SMAD4: variants seen among roughly 807,000 people sequenced by gnomAD.
SMAD4 encodes MAD homolog 4.
Under a neutral mutation model 63.2 loss-of-function variants are expected in SMAD4, and 7 were observed. The observed-to-expected ratio is 0.11, with a 90% CI of 0.06 to 0.21. The LOEUF is 0.21. SMAD4 is among the 10% of genes least tolerant of loss of function. The pLI, the probability that SMAD4 is intolerant of heterozygous loss-of-function variation, is 1.00. For synonymous variants in SMAD4, 215 were observed against 235.4 expected, an observed-to-expected ratio of 0.91 and a Z score of 0.79; for missense variants, 312 against 693.8, an observed-to-expected ratio of 0.45 and a Z score of 6.18.
Position 51,080,434 on chromosome 18 carries a change from T to C in SMAD4, c.*1967T>C, listed in dbSNP as rs1361929420. On this transcript the variant is annotated 3_prime_UTR_variant, in exon 12 of 12. Coordinates refer to ENST00000342988, the MANE Select transcript of SMAD4 (RefSeq NM_005359.6). ...ACATCTTCTCTAGAAATTGCTAACTTTAGGTCCATTTTACTGTGAATGAGG... is the reference window on the plus strand; with the variant it reads ...ACATCTTCTCTAGAAATTGCTAACTCTAGGTCCATTTTACTGTGAATGAGG... The C allele has an allele frequency of 4.3e-6, 1 of 230,090 alleles. No homozygotes were observed. The highest frequency in any genetic ancestry group is 8.6e-6 in the Non-Finnish European group (1 of 116,296). 14.3% of individuals were successfully genotyped at this position (230,090 alleles called of 1,614,324 possible). A position where few individuals can be genotyped will look rare whatever the true frequency, so the allele number is the denominator to read the frequency against.
In SMAD4 at chr18:51,084,012, GCACACACA is replaced by G. The variant is rs56017493; in HGVS notation, c.*5570_*5577del. On this transcript the variant is annotated 3_prime_UTR_variant, in exon 12 of 12. Transcript: ENST00000342988. ...TTAACGCGCGTGCGCACGCGCGCGCGCACACACACACACACACACACACACACACACAG... is the reference window on the plus strand; with the variant it reads ...TTAACGCGCGTGCGCACGCGCGCGCGCACACACACACACACACACACACAG... 2,440 of 162,838 alleles carry G rather than the reference GCACACACA, an allele frequency of 0.015. 68 individuals carry two copies. Among genetic ancestry groups the G allele is most frequent in the African/African-American group, 0.061 (2,153 of 35,180 alleles). The allele number at this position is 162,838 out of a possible 1,614,324, so 10.1% of individuals were successfully genotyped here.
chr18:51,051,654 A>G (rs1909716899), intron 4 of SMAD4, among the ~76,000 whole-genome samples: 1 of 152,152 alleles, frequency 6.6e-6, no homozygotes, highest in Admixed American at 6.5e-5. Context: ...CTAGTGGAGG[A>G]GAGAAAAAGT....
At chr18:51,060,843 A>T (rs568540937) in intron 8 of SMAD4, among the ~76,000 whole-genome samples, 23 of 152,114 alleles carry the variant, frequency 1.5e-4, no homozygotes, top group Non-Finnish European at 3.1e-4. Context: ...CATGTTGCCC[A>T]GGCTGGTCTC....
At chr18:51,072,740 A>G (rs1910351495) in intron 10 of SMAD4, among the ~76,000 whole-genome samples, 1 of 152,248 alleles carries the variant, frequency 6.6e-6, no homozygotes, top group Admixed American at 6.5e-5. Context: ...ACATGGTTAA[A>G]TAAATTAAAG....
intron 10 of SMAD4, among the ~76,000 whole-genome samples, chr18:51,069,571 C>T (rs1910261164): frequency 1.3e-5 from 2 of 152,178 alleles, no homozygotes; most frequent in South Asian, 4.1e-4. Context: ...TTGCCTTACC[C>T]TGGCATCTGG....
chr18:51,030,763 G>C (rs951416450), intron 1 of SMAD4, 140 bp downstream of exon 1: 5 of 151,906 alleles, frequency 3.3e-5, no homozygotes, highest in African/African-American at 1.2e-4. Context: ...CTGGGAGGGC[G>C]ACCGCGGCGG....
At chr18:51,033,871 C>T (rs1909122615) in intron 1 of SMAD4, among the ~76,000 whole-genome samples, 1 of 152,160 alleles carries the variant, frequency 6.6e-6, no homozygotes, top group African/African-American at 2.4e-5. Context: ...TAGGGTAGTG[C>T]TTACATATGT....
intron 1 of SMAD4, among the ~76,000 whole-genome samples, chr18:51,042,300 C>CG: frequency 1.5e-5 from 1 of 66,168 alleles, no homozygotes; most frequent in African/African-American, 4.5e-5. Context: ...TCCCTCCCTC[C>CG]TTCCCTCCCT....
At chr18:51,038,550 A>G (rs186785769) in intron 1 of SMAD4, among the ~76,000 whole-genome samples, 44 of 152,336 alleles carry the variant, frequency 2.9e-4, no homozygotes, top group Admixed American at 1.1e-3. Flanking sequence ...CTCTCTTCCA[A>G]TTAGCTGTCC....
intron 1 of SMAD4, among the ~76,000 whole-genome samples, chr18:51,033,272 C>T (rs1287506376): frequency 1.4e-5 from 2 of 145,856 alleles, no homozygotes; most frequent in African/African-American, 5.1e-5. Flanking sequence ...TCACTGCAAA[C>T]CCCGCCTTCC....
intron 10 of SMAD4, among the ~76,000 whole-genome samples, chr18:51,067,984 A>G (rs1910210075): frequency 6.6e-6 from 1 of 152,216 alleles, no homozygotes; most frequent in African/African-American, 2.4e-5. Context: ...GGCAGTTGTA[A>G]TTAGATAGCC....
At chr18:51,057,983 C>T (rs1378308704) in intron 5 of SMAD4, 142 bp from the exon 6 acceptor site, 1 of 932,046 alleles carries the variant, frequency 1.1e-6, no homozygotes, top group Non-Finnish European at 1.7e-6. Flanking sequence ...GGTTTTTTAC[C>T]TGATAGGCCA....
chr18:51,062,817 C>T (rs574733847), intron 8 of SMAD4, among the ~76,000 whole-genome samples: 1 of 145,252 alleles, frequency 6.9e-6, no homozygotes, highest in African/African-American at 2.5e-5. Flanking sequence ...GTGATGAATA[C>T]ATCCCTAAAC....
chr18:51,036,275 T>A (rs1406048145), intron 1 of SMAD4, among the ~76,000 whole-genome samples: 1 of 152,206 alleles, frequency 6.6e-6, no homozygotes, highest in African/African-American at 2.4e-5. Context: ...ATTATTTCTG[T>A]ATGTTAATAT....
chr18:51,058,320 A>C lies in SMAD4; in HGVS notation c.788-20A>C, dbSNP rs1395725569. On this transcript the variant is annotated intron_variant, in intron 6 of 11. Coordinates refer to ENST00000342988, the MANE Select transcript of SMAD4 (RefSeq NM_005359.6). The stretch of plus-strand genomic sequence containing the variant: ...AGCCTTTATAAAAGCAAATTAACCC[A>C]TGTGGGCCTTAATTTTTAGACAGCA... 1 of 1,609,592 alleles carries C rather than the reference A, an allele frequency of 6.2e-7. No homozygotes were observed. Among genetic ancestry groups the C allele is most frequent in the East Asian group, 2.2e-5 (1 of 44,888 alleles).
At chr18:51,049,583 A>G in intron 4 of SMAD4, 1 of 439,786 alleles carries the variant, frequency 2.3e-6, no homozygotes, top group South Asian at 3.9e-5. Context: ...AGAGGAATGC[A>G]CCAAAAACAA....
chr18:51,074,381 A>G (rs933133005), intron 10 of SMAD4, among the ~76,000 whole-genome samples: 3 of 152,196 alleles, frequency 2.0e-5, no homozygotes, highest in Non-Finnish European at 2.9e-5. Context: ...AAAGACATGA[A>G]CAAACACCTC....
At chr18:51,038,415 G>A (rs1000352096) in intron 1 of SMAD4, among the ~76,000 whole-genome samples, 1 of 152,288 alleles carries the variant, frequency 6.6e-6, no homozygotes, top group East Asian at 1.9e-4. Context: ...ATACACCAGA[G>A]CCAAAAAGTT....
At chr18:51,070,106 CTT>C (rs962502549) in intron 10 of SMAD4, among the ~76,000 whole-genome samples, 1 of 152,136 alleles carries the variant, frequency 6.6e-6, no homozygotes, top group African/African-American at 2.4e-5. Context: ...TCAGAAGTCT[CTT>C]GTTTTATTTA....
Sources: gnomAD v4.1 joint callset for allele counts (sites outside exome capture counted in the v4.1 genomes callset) on GRCh38, gnomAD v4.1.1 for gene constraint, MANE v1.5 for transcripts, NCBI Gene and HGNC (gene_info 2026-07-23, HGNC 2026-07-21) for gene names.